The following GLI3 variants were observed in gnomAD, a reference collection of about 807,000 sequenced individuals.
The protein encoded by GLI3 is GLI family zinc finger 3, also known as transcription activator GLI3.
Under a neutral mutation model 100.8 loss-of-function variants are expected in GLI3, and 20 were observed. The ratio of observed to expected loss-of-function variants is 0.20; its 90% CI spans 0.14 to 0.29. The LOEUF (loss-of-function observed/expected upper bound fraction) is 0.29, where lower values mean the gene tolerates loss of function less well. GLI3 is among the 10% of genes least tolerant of loss of function. GLI3 has a pLI of 1.00. For synonymous variants in GLI3, 938 were observed against 860.5 expected (o/e 1.09, Z -1.58); for missense variants, 2,040 against 2,128.5 (o/e 0.96, Z 0.82).
intron 1 of GLI3, among the ~76,000 whole-genome samples, chr7:42,247,952 A>G (rs925440144): frequency 6.6e-6 from 1 of 152,230 alleles, no homozygotes; most frequent in Non-Finnish European, 1.5e-5. Flanking sequence ...TATCTGATCC[A>G]TTAGACAGAA....
intron 2 of GLI3, among the ~76,000 whole-genome samples, chr7:42,166,625 C>T (rs1339522779): frequency 6.8e-6 from 1 of 146,714 alleles, no homozygotes; most frequent in East Asian, 2.0e-4. Flanking sequence ...CTTATGGCAG[C>T]ATTCTGCCAG....
intron 10 of GLI3, among the ~76,000 whole-genome samples, chr7:42,001,810 A>G (rs1788303139): frequency 6.6e-6 from 1 of 152,218 alleles, no homozygotes; most frequent in African/African-American, 2.4e-5. Context: ...AACTGAGTCT[A>G]CTGCATTAAT....
intron 10 of GLI3, among the ~76,000 whole-genome samples, chr7:41,990,362 A>T (rs1787950380): frequency 6.6e-6 from 1 of 152,162 alleles, no homozygotes; most frequent in Non-Finnish European, 1.5e-5. Context: ...AAGGATCTGA[A>T]CATGCAGTGT....
chr7:42,037,791 C>T (rs972076214), intron 7 of GLI3, among the ~76,000 whole-genome samples: 2 of 152,138 alleles, frequency 1.3e-5, no homozygotes, highest in Non-Finnish European at 2.9e-5. Context: ...ACGAAATGGG[C>T]AATGATGATT....
intron 3 of GLI3, among the ~76,000 whole-genome samples, chr7:42,113,818 T>C (rs1785777689): frequency 6.6e-6 from 1 of 152,206 alleles, no homozygotes; most frequent in South Asian, 2.1e-4. Flanking sequence ...TGGACTGATG[T>C]GGGGAAAACA....
At chr7:42,238,403 T>A (rs7797789), upstream of GLI3, among the ~76,000 whole-genome samples, 89,498 of 151,774 alleles carry the variant, frequency 0.59, 26,992 homozygotes, top group East Asian at 0.72. Flanking sequence ...CCCAAAGCCA[T>A]CCCCGAAACT....
chr7:41,983,018 A>G (rs1787717204), intron 10 of GLI3, among the ~76,000 whole-genome samples: 1 of 152,270 alleles, frequency 6.6e-6, no homozygotes, highest in South Asian at 2.1e-4. Context: ...CTGTTCATTT[A>G]TGAATGTGGA....
At chr7:42,167,000 A>G (rs1465679791) in intron 2 of GLI3, among the ~76,000 whole-genome samples, 1 of 151,824 alleles carries the variant, frequency 6.6e-6, no homozygotes, top group Non-Finnish European at 1.5e-5. Flanking sequence ...TAATTTTTGT[A>G]ATTTCTAGTA....
At chr7:42,255,961 T>C (rs1161149386) in intron 1 of GLI3, among the ~76,000 whole-genome samples, 1 of 152,178 alleles carries the variant, frequency 6.6e-6, no homozygotes, top group Non-Finnish European at 1.5e-5. Flanking sequence ...TTCCATATTC[T>C]CACCCACACT....
intron 7 of GLI3, among the ~76,000 whole-genome samples, chr7:42,032,374 A>C (rs1379590857): frequency 6.6e-6 from 1 of 152,250 alleles, no homozygotes; most frequent in Non-Finnish European, 1.5e-5. Flanking sequence ...GATGTAAGTC[A>C]ACATTTGTAC....
At chr7:42,182,504 C>T (rs1787613081) in intron 2 of GLI3, among the ~76,000 whole-genome samples, 1 of 150,744 alleles carries the variant, frequency 6.6e-6, no homozygotes, top group Non-Finnish European at 1.5e-5. Context: ...GAAGTTTCTC[C>T]TTAAACTTTT....
intron 7 of GLI3, among the ~76,000 whole-genome samples, chr7:42,027,718 T>C (rs1167180816): frequency 1.3e-5 from 2 of 152,232 alleles, no homozygotes; most frequent in Non-Finnish European, 2.9e-5. Context: ...CATTTAAGAC[T>C]GAATATCATT....
chr7:42,057,246 C>T (rs1451754393), intron 4 of GLI3, among the ~76,000 whole-genome samples: 1 of 152,164 alleles, frequency 6.6e-6, no homozygotes, highest in Non-Finnish European at 1.5e-5. Context: ...AACTAACTCT[C>T]CATAAACATC....
In GLI3 at chr7:42,244,428, C is replaced by G. The variant is rs370541596; in HGVS notation, c.-43+19566G>C. On this transcript the variant is annotated intron_variant, in intron 1 of 2. Transcript: ENST00000678978. ...GAGCACATTTCAGAGACAGGCATGC[C>G]AACCAGCACTTTTGTATGAAGTTTG... Among the ~76,000 whole-genome samples the G allele has an allele frequency of 4.6e-5, 7 of 152,310 alleles. 1 individual carries two copies. In the East Asian group the frequency reaches 7.7e-4, roughly 17 times the overall value.
intron 2 of GLI3, among the ~76,000 whole-genome samples, chr7:42,168,966 T>G (rs1787304434): frequency 6.6e-6 from 1 of 152,098 alleles, no homozygotes; most frequent in South Asian, 2.1e-4. Flanking sequence ...TGCTGTTAGG[T>G]GTCAGAAATC....
At position 42,172,464 on chromosome 7, in the gene GLI3, C is replaced by T. The variant is rs145181185; in HGVS notation, c.125-23996G>A. On this transcript the variant is annotated intron_variant, in intron 2 of 14. Coordinates refer to ENST00000395925, the MANE Select transcript of GLI3 (RefSeq NM_000168.6). Reference sequence around the variant, plus strand: ...AGATGAAAAAGGATAAACTTTTTTACACTAAAAAGTGTAAATGAATTAAAT... The same window carrying T: ...AGATGAAAAAGGATAAACTTTTTTATACTAAAAAGTGTAAATGAATTAAAT... 2.3e-5 allele frequency: 15 copies of T among 644,866 alleles called. No homozygotes were observed. In the East Asian group the frequency reaches 4.1e-4, roughly 18 times the overall value. The allele number at this position is 644,866 out of a possible 1,614,324, so 39.9% of individuals were successfully genotyped here.
chr7:42,023,555 G>A lies in GLI3; in HGVS notation c.1410C>T (p.Ser470=). The part of the protein sequence containing the change: ...LVKEEGDKDE[S]KQEPEVIYET... The stretch of plus-strand genomic sequence containing the variant: ...CATAGATGACTTCAGGCTCCTGTTT[G>A]CTTTCATCTTTGTCCCCTTCCTCCT... Residue 470 remains serine, a synonymous_variant, in exon 10 of 15, where the codon AGC becomes AGT. Transcript: ENST00000395925. 1 of 1,612,964 alleles carries A rather than the reference G, an allele frequency of 6.2e-7. No individual in the cohort carries two copies. Among genetic ancestry groups the A allele is most frequent in the Non-Finnish European group, 8.5e-7 (1 of 1,179,714 alleles).
In GLI3 at chr7:42,026,191, C is replaced by T. The variant is rs75925934; in HGVS notation, c.1242+8G>A. The T allele has an allele frequency of 1.5e-4, 245 of 1,605,350 alleles. 2 individuals carry two copies. In the East Asian group the frequency reaches 3.4e-3, roughly 22 times the overall value. On this transcript the variant is annotated splice_region_variant and intron_variant, in intron 8 of 14. Coordinates refer to ENST00000395925, the MANE Select transcript of GLI3 (RefSeq NM_000168.6). Reference sequence around the variant, plus strand: ...GCACGGCCGGGTGCATCGACCTGTCCCTCTCACCTGTGAGGACTCAGAAGG... The same window carrying T: ...GCACGGCCGGGTGCATCGACCTGTCTCTCTCACCTGTGAGGACTCAGAAGG...
intron 3 of GLI3, among the ~76,000 whole-genome samples, chr7:42,097,807 G>C (rs1406716023): frequency 6.6e-6 from 1 of 152,110 alleles, no homozygotes; most frequent in Non-Finnish European, 1.5e-5. Context: ...CCTCAGTTCT[G>C]CTCAGGCCAT....
Sources: gnomAD v4.1 joint callset for allele counts (sites outside exome capture counted in the v4.1 genomes callset) on GRCh38, gnomAD v4.1.1 for gene constraint, MANE v1.5 for transcripts, NCBI Gene and HGNC (gene_info 2026-07-23, HGNC 2026-07-21) for gene names.